The following DMD variants were observed in gnomAD, a reference collection of about 807,000 sequenced individuals.
The protein encoded by DMD is mutant dystrophin.
In DMD, 63 loss-of-function variants were observed where a neutral mutation model predicts 330.1. That is an observed-to-expected ratio of 0.19 (90% confidence interval 0.16 to 0.24). The LOEUF is 0.24. Ranked by LOEUF, DMD falls within the 10% of genes least tolerant of loss-of-function variation. The pLI is 1.00. For missense variants in DMD, 3,344 were observed against 2,684.1 expected (o/e 1.25, Z -5.43); for synonymous variants, 1,223 against 959.8 (o/e 1.27, Z -5.07).
Position 31,449,489 on chromosome X carries a change from C to G in DMD, c.8938-4862G>C, listed in dbSNP as rs745437057. Reference sequence around the variant, plus strand: ...TTGGGGTTTCGTCAGATGACTGTGGCTCACACATTTAGGGATAAGGGAGTT... The same window carrying G: ...TTGGGGTTTCGTCAGATGACTGTGGGTCACACATTTAGGGATAAGGGAGTT... On this transcript the variant is annotated intron_variant, in intron 59 of 78. Transcript: ENST00000357033. 4.5e-5 allele frequency among the ~76,000 whole-genome samples: 5 copies of G among 110,025 alleles called. No individual in the cohort carries two copies. The South Asian group carries it at 2.0e-3, about 43-fold the overall frequency.
intron 62 of DMD, among the ~76,000 whole-genome samples, chrX:31,307,094 C>T (rs933954973): frequency 4.5e-5 from 5 of 111,431 alleles, no homozygotes; most frequent in Admixed American, 9.6e-5. Flanking sequence ...TATTTTTACA[C>T]GTTCTATTAC....
chrX:31,528,739 G>A (rs937166430), intron 55 of DMD, among the ~76,000 whole-genome samples: 1 of 111,705 alleles, frequency 9.0e-6, no homozygotes, highest in Non-Finnish European at 1.9e-5. Context: ...ACCATTTCTG[G>A]TGGTCAAGGT....
At chrX:32,690,012 C>T (rs912667296) in intron 9 of DMD, among the ~76,000 whole-genome samples, 1 of 109,755 alleles carries the variant, frequency 9.1e-6, no homozygotes, top group Non-Finnish European at 1.9e-5. Context: ...GGTAAGTATG[C>T]CCATTCTTGC....
intron 27 of DMD, among the ~76,000 whole-genome samples, chrX:32,445,983 C>T (rs2098302436): frequency 9.1e-6 from 1 of 110,234 alleles, no homozygotes; most frequent in African/African-American, 3.3e-5. Flanking sequence ...AGTTGGAAGA[C>T]AGATTTTAGA....
chrX:31,369,955 T>C (rs1043248504), intron 60 of DMD, among the ~76,000 whole-genome samples: 3 of 109,104 alleles, frequency 2.7e-5, no homozygotes, highest in South Asian at 8.0e-4. Flanking sequence ...AAAAATTAGC[T>C]GGGTGTGGTG....
At chrX:32,956,505 CTGT>C (rs1462542482) in intron 2 of DMD, among the ~76,000 whole-genome samples, 1 of 111,600 alleles carries the variant, frequency 9.0e-6, no homozygotes, top group Non-Finnish European at 1.9e-5. Context: ...AGATTTCTCT[CTGT>C]TGTTGGTGTA....
At chrX:31,299,267 ACTTTT>A (rs750508728) in intron 62 of DMD, among the ~76,000 whole-genome samples, 5 of 112,005 alleles carry the variant, frequency 4.5e-5, no homozygotes, top group African/African-American at 1.6e-4. Flanking sequence ...AGGATTTGGT[ACTTTT>A]CTTTTTTTAA....
At chrX:32,148,996 G>A (rs1023504690) in intron 44 of DMD, among the ~76,000 whole-genome samples, 2 of 112,076 alleles carry the variant, frequency 1.8e-5, no homozygotes, top group Non-Finnish European at 3.8e-5. Context: ...AAGTGACAAA[G>A]TGATATGCAT....
At chrX:32,723,787 A>G (rs1237239864) in intron 7 of DMD, among the ~76,000 whole-genome samples, 2 of 110,604 alleles carry the variant, frequency 1.8e-5, no homozygotes, top group East Asian at 2.8e-4. Context: ...AGGGGTATGT[A>G]ATCTTTTGGC....
chrX:31,201,258 C>T (rs2043441122), intron 67 of DMD, among the ~76,000 whole-genome samples: 1 of 111,703 alleles, frequency 9.0e-6, no homozygotes, highest in South Asian at 3.8e-4. Flanking sequence ...CCTGTAGTCC[C>T]AGCTACTCAG....
intron 64 of DMD, among the ~76,000 whole-genome samples, chrX:31,211,088 TA>T (rs768015059): frequency 8.9e-6 from 1 of 111,833 alleles, no homozygotes; most frequent in South Asian, 3.8e-4. Flanking sequence ...AGACTTTCTT[TA>T]AAGTGGGAGG....
At chrX:32,655,011 T>C (rs1392181710) in intron 9 of DMD, among the ~76,000 whole-genome samples, 1 of 111,887 alleles carries the variant, frequency 8.9e-6, no homozygotes, top group Non-Finnish European at 1.9e-5. Flanking sequence ...TTATTATTTT[T>C]TATTGCATCT....
chrX:32,535,638 G>A lies in DMD; in HGVS notation c.2168+9521C>T, dbSNP rs141811268. ...CTAGGGATATTAGCAGCTTCCTTAC[G>A]TTACTAGTGCTTTGAGTTGCCTCTC... On this transcript the variant is annotated intron_variant, in intron 17 of 78. Coordinates refer to ENST00000357033, the MANE Select transcript of DMD (RefSeq NM_004006.3). Among the ~76,000 whole-genome samples the A allele has an allele frequency of 2.6e-3, 293 of 111,225 alleles. 2 individuals are homozygous for A. The highest frequency in any genetic ancestry group is 8.8e-3 in the African/African-American group (268 of 30,456).
chrX:33,319,398 T>C (rs1202514107), intron 1 of DMD, among the ~76,000 whole-genome samples: 1 of 111,128 alleles, frequency 9.0e-6, no homozygotes, highest in Non-Finnish European at 1.9e-5. Context: ...GTATAATGTA[T>C]TTAGAAATCT....
chrX:31,254,662 G>A (rs1261334150), intron 63 of DMD, among the ~76,000 whole-genome samples: 1 of 111,662 alleles, frequency 9.0e-6, no homozygotes, highest in African/African-American at 3.3e-5. Flanking sequence ...ACTGTGCCCA[G>A]CCTAAATTCT....
chrX:31,858,687 C>T (rs1266322885), intron 48 of DMD, among the ~76,000 whole-genome samples: 2 of 110,380 alleles, frequency 1.8e-5, no homozygotes, highest in Non-Finnish European at 1.9e-5. Context: ...ATGGCATATA[C>T]AGTATAATGT....
chrX:32,993,105 A>T (rs1602471573), intron 2 of DMD, among the ~76,000 whole-genome samples: 1 of 111,498 alleles, frequency 9.0e-6, no homozygotes, highest in Admixed American at 9.6e-5. Flanking sequence ...AAAAGTTAGG[A>T]AATGAAGAAT....
intron 4 of DMD, among the ~76,000 whole-genome samples, chrX:32,830,920 G>A (rs2079100043): frequency 1.8e-5 from 2 of 111,246 alleles, no homozygotes; most frequent in Non-Finnish European, 3.8e-5. Flanking sequence ...TGTAAGAATT[G>A]CACATAGAAA....
At chrX:33,087,378 T>A (rs1048848489) in intron 1 of DMD, among the ~76,000 whole-genome samples, 1 of 112,430 alleles carries the variant, frequency 8.9e-6, no homozygotes, top group Non-Finnish European at 1.9e-5. Flanking sequence ...TTAGTTCATA[T>A]GGCGAGACCA....
Sources: gnomAD v4.1 joint callset for allele counts (sites outside exome capture counted in the v4.1 genomes callset) on GRCh38, gnomAD v4.1.1 for gene constraint, MANE v1.5 for transcripts, NCBI Gene and HGNC (gene_info 2026-07-23, HGNC 2026-07-21) for gene names.